Variants in CSMD2 observed in about 807,000 individuals in gnomAD.
CSMD2 encodes CUB and sushi domain-containing protein 2.
In CSMD2, 130 loss-of-function variants were observed where a neutral mutation model predicts 398.5. That is an observed-to-expected ratio of 0.33 (90% CI 0.28 to 0.38). CSMD2 has a LOEUF of 0.38. Ranked by LOEUF, CSMD2 falls within the 10% of genes least tolerant of loss-of-function variation. The probability of loss-of-function intolerance (pLI) is 1.00; values close to 1 mark genes in which losing one functional copy is unlikely to be tolerated. For synonymous variants in CSMD2, 1,828 were observed against 1,908.5 expected, an observed-to-expected ratio of 0.96 and a Z score of 1.10; for missense variants, 3,829 against 4,764.9, an observed-to-expected ratio of 0.80 and a Z score of 5.78.
chr1:33,641,867 T>A (rs1204260788), intron 29 of CSMD2, among the ~76,000 whole-genome samples: 1 of 152,186 alleles, frequency 6.6e-6, no homozygotes, highest in African/African-American at 2.4e-5. Flanking sequence ...TGTAAGAAGG[T>A]CTGGCATATG....
At chr1:33,725,312 C>A (rs747035884) in intron 17 of CSMD2, 37 bp downstream of exon 17, 8 of 1,597,142 alleles carry the variant, frequency 5.0e-6, no homozygotes, top group African/African-American at 2.7e-5. Context: ...CCTGGGCTGA[C>A]CTTGTCATCC....
At chr1:33,923,743 C>G (rs1644028763) in intron 4 of CSMD2, among the ~76,000 whole-genome samples, 1 of 152,168 alleles carries the variant, frequency 6.6e-6, no homozygotes. Flanking sequence ...GTCCTTCTAC[C>G]TAACTCAGGG....
intron 1 of CSMD2, among the ~76,000 whole-genome samples, chr1:34,135,982 C>A (rs2148511682): frequency 6.6e-6 from 1 of 152,036 alleles, no homozygotes; most frequent in South Asian, 2.1e-4. Context: ...GCATGTATTA[C>A]TTCTATAGTA....
intron 44 of CSMD2, among the ~76,000 whole-genome samples, chr1:33,594,221 G>A (rs778346652): frequency 1.2e-4 from 19 of 152,148 alleles, no homozygotes; most frequent in Middle Eastern, 3.4e-3. Context: ...GAGTTCATCC[G>A]GAGTTACAGC....
intron 42 of CSMD2, among the ~76,000 whole-genome samples, chr1:33,603,547 A>G (rs1420896098): frequency 6.6e-6 from 1 of 152,218 alleles, no homozygotes; most frequent in African/African-American, 2.4e-5. Context: ...AAAGTGGTGC[A>G]CAGGTACACG....
At chr1:34,157,674 G>C (rs543206109) in intron 1 of CSMD2, among the ~76,000 whole-genome samples, 15 of 109,116 alleles carry the variant, frequency 1.4e-4, no homozygotes, top group Middle Eastern at 0.014. Context: ...TCCCATCCCC[G>C]ACATCACATC....
At chr1:33,976,180 A>C (rs1392755686) in intron 3 of CSMD2, among the ~76,000 whole-genome samples, 1 of 152,134 alleles carries the variant, frequency 6.6e-6, no homozygotes, top group African/African-American at 2.4e-5. Flanking sequence ...GCAGGTCTCC[A>C]TTGCCATGGT....
intron 1 of CSMD2, among the ~76,000 whole-genome samples, chr1:34,129,706 T>A (rs1223342303): frequency 6.6e-6 from 1 of 152,170 alleles, no homozygotes; most frequent in Non-Finnish European, 1.5e-5. Context: ...TGGGATTGCA[T>A]CCTCACCACT....
intron 2 of CSMD2, among the ~76,000 whole-genome samples, chr1:34,069,063 C>T (rs1005574691): frequency 6.6e-6 from 1 of 152,170 alleles, no homozygotes; most frequent in East Asian, 1.9e-4. Flanking sequence ...AAAAAGAGAA[C>T]AGTTTCTCCA....
intron 5 of CSMD2, among the ~76,000 whole-genome samples, chr1:33,902,247 A>G (rs1200518074): frequency 1.3e-5 from 2 of 152,126 alleles, no homozygotes; most frequent in Non-Finnish European, 2.9e-5. Flanking sequence ...ACTGAGATGG[A>G]TCAGAAACTG....
chr1:33,868,244 G>C (rs942961307), intron 5 of CSMD2, among the ~76,000 whole-genome samples: 1 of 152,180 alleles, frequency 6.6e-6, no homozygotes, highest in East Asian at 1.9e-4. Context: ...CCATCTTGAT[G>C]ACTGAATCAC....
intron 3 of CSMD2, among the ~76,000 whole-genome samples, chr1:33,988,462 C>G (rs755158757): frequency 1.3e-5 from 2 of 152,214 alleles, no homozygotes; most frequent in Non-Finnish European, 2.9e-5. Flanking sequence ...TCTGCTCAAA[C>G]GCTGTCTTCT....
chr1:33,787,258 T>A lies in CSMD2; in HGVS notation c.1663+1342A>T, dbSNP rs113180825. On this transcript the variant is annotated intron_variant, in intron 12 of 70. Transcript: ENST00000373381. The stretch of plus-strand genomic sequence containing the variant: ...AGGCTCCAGAATGTGAGAGAATAAA[T>A]GTCCGTTGTGTGAAGCCAGCCAGCC... 4.0e-3 allele frequency among the ~76,000 whole-genome samples: 602 copies of A among 152,272 alleles called. 7 individuals carry two copies. Among genetic ancestry groups the A allele is most frequent in the Middle Eastern group, 0.037 (11 of 294 alleles).
In CSMD2 at chr1:33,591,764, A is replaced by G. The variant is rs530785006; in HGVS notation, c.6857-4596T>C. Reference sequence around the variant, plus strand: ...ATTAACCTTCTGAGTATCTGGGACTACAGGCATGCACCACCACACCCAGCT... The same window carrying G: ...ATTAACCTTCTGAGTATCTGGGACTGCAGGCATGCACCACCACACCCAGCT... On this transcript the variant is annotated intron_variant, in intron 44 of 70. Transcript: ENST00000373381. 5.3e-5 allele frequency: 8 copies of G among 152,034 alleles called. No homozygotes were observed. In the East Asian group the frequency reaches 1.5e-3, roughly 29 times the overall value. The allele number at this position is 152,034 out of a possible 1,614,324, so 9.4% of individuals were successfully genotyped here.
intron 15 of CSMD2, among the ~76,000 whole-genome samples, chr1:33,732,176 C>G (rs780327866): frequency 5.9e-5 from 9 of 152,176 alleles, no homozygotes; most frequent in Non-Finnish European, 1.2e-4. Context: ...AGGATCCTCT[C>G]TTGAACAGGG....
At position 33,633,808 on chromosome 1, in the gene CSMD2, C is replaced by T. The variant is rs1474872297; in HGVS notation, c.5087-273G>A. On this transcript the variant is annotated intron_variant, in intron 31 of 70. Transcript: ENST00000373381. This position sits in a 1 kb window ranked among gnomAD's most constrained non-coding sequence, Gnocchi z 5.0. Reference sequence around the variant, plus strand: ...CACCCAAAGGTCAGGCGGGTAGAGGCGAAATGGAGCCAACTTTGTTCCTTT... The same window carrying T: ...CACCCAAAGGTCAGGCGGGTAGAGGTGAAATGGAGCCAACTTTGTTCCTTT... Among the ~76,000 whole-genome samples the T allele has an allele frequency of 2.0e-5, 3 of 152,128 alleles. No individual in the cohort carries two copies. Among genetic ancestry groups the T allele is most frequent in the Non-Finnish European group, 1.5e-5 (1 of 68,014 alleles).
intron 29 of CSMD2, among the ~76,000 whole-genome samples, chr1:33,641,709 C>T (rs1327375575): frequency 6.6e-6 from 1 of 152,166 alleles, no homozygotes; most frequent in Non-Finnish European, 1.5e-5. Context: ...TGAACAGAGA[C>T]ATCTAAAAAC....
intron 32 of CSMD2, among the ~76,000 whole-genome samples, chr1:33,630,973 A>G (rs553984117): frequency 3.9e-5 from 6 of 152,318 alleles, no homozygotes; most frequent in African/African-American, 1.4e-4. Context: ...AATAATGAAC[A>G]GAGCTCTCAA....
intron 3 of CSMD2, among the ~76,000 whole-genome samples, chr1:34,021,880 G>A (rs552438469): frequency 3.9e-5 from 6 of 152,268 alleles, no homozygotes; most frequent in South Asian, 4.2e-4. Context: ...ATATTTCATC[G>A]GTTCTAGGGT....
Sources: allele counts gnomAD v4.1 joint callset (sites outside exome capture counted in the v4.1 genomes callset), GRCh38; gene constraint gnomAD v4.1.1; non-coding constraint Gnocchi (gnomAD v3.1); transcripts MANE v1.5; gene names NCBI Gene and HGNC (gene_info 2026-07-23, HGNC 2026-07-21).